Variants in ICA1L observed in about 807,000 individuals in gnomAD.
The protein encoded by ICA1L is islet cell autoantigen 1 like, also known as islet cell autoantigen 1-like protein.
A neutral mutation model predicts 61.3 loss-of-function variants in ICA1L; 50 were observed. The ratio of observed to expected loss-of-function variants is 0.82; its 90% CI spans 0.65 to 1.03. ICA1L has a LOEUF of 1.03. Among genes scored for constraint, ICA1L ranks in the 50% least tolerant of loss-of-function variants. ICA1L has a pLI of 0.00. For missense variants in ICA1L, 508 were observed against 556.7 expected, an observed-to-expected ratio of 0.91 and a Z score of 0.88; for synonymous variants, 161 against 191.3, an observed-to-expected ratio of 0.84 and a Z score of 1.31.
chr2:202,778,690 G>T lies in ICA1L; in HGVS notation c.*843C>A, dbSNP rs1020191926. Reference sequence around the variant, plus strand: ...TATTCTCCCCTCATTTTATTTTCAGGAATAATATAAATACTGCATACTACT... The same window carrying T: ...TATTCTCCCCTCATTTTATTTTCAGTAATAATATAAATACTGCATACTACT... On this transcript the variant is annotated 3_prime_UTR_variant, in exon 13 of 13. Coordinates refer to ENST00000358299, the MANE Select transcript of ICA1L (RefSeq NM_001288622.3). 5 of 152,466 alleles carry T rather than the reference G, an allele frequency of 3.3e-5. No homozygotes were observed. Among genetic ancestry groups the T allele is most frequent in the African/African-American group, 1.2e-4 (5 of 41,400 alleles). The allele number at this position is 152,466 out of a possible 1,614,324, so 9.4% of individuals were successfully genotyped here. A position where few individuals can be genotyped will look rare whatever the true frequency, so the allele number is the denominator to read the frequency against.
chr2:202,808,346 T>C (rs1241613042), intron 9 of ICA1L, among the ~76,000 whole-genome samples: 2 of 151,920 alleles, frequency 1.3e-5, no homozygotes, highest in Non-Finnish European at 2.9e-5. Context: ...CAGTACCTGC[T>C]GCAGGGAGAG....
At chr2:202,784,190 A>C (rs1692503787) in intron 12 of ICA1L, among the ~76,000 whole-genome samples, 1 of 152,134 alleles carries the variant, frequency 6.6e-6, no homozygotes. Context: ...AGTGACCCAC[A>C]CCTGTAACCC....
intron 1 of ICA1L, among the ~76,000 whole-genome samples, chr2:202,851,279 G>A (rs1222430171): frequency 6.7e-6 from 1 of 150,224 alleles, no homozygotes; most frequent in Non-Finnish European, 1.5e-5. Flanking sequence ...TTTTGTCCTT[G>A]CGATAGTTTG....
At chr2:202,843,320 G>A (rs1348330254) in intron 1 of ICA1L, among the ~76,000 whole-genome samples, 1 of 152,156 alleles carries the variant, frequency 6.6e-6, no homozygotes, top group Non-Finnish European at 1.5e-5. Flanking sequence ...TCTGGCACTA[G>A]TCAGGGTGCC....
intron 1 of ICA1L, among the ~76,000 whole-genome samples, chr2:202,860,902 T>C (rs1258574436): frequency 2.6e-5 from 4 of 152,080 alleles, no homozygotes; most frequent in Non-Finnish European, 4.4e-5. Flanking sequence ...AGGGATAAGA[T>C]GGACATTTAA....
chr2:202,809,728 G>T (rs913230956), intron 9 of ICA1L, among the ~76,000 whole-genome samples: 3 of 152,002 alleles, frequency 2.0e-5, no homozygotes, highest in Non-Finnish European at 4.4e-5. Flanking sequence ...GGCAGAGGTT[G>T]CAGTGTGCCA....
chr2:202,788,994 C>G lies in ICA1L; in HGVS notation c.1079G>C (p.Ser360Thr), dbSNP rs1331284168. Residue 360 changes from serine (S) to threonine (T), a missense_variant, in exon 11 of 13, where the codon AGT becomes ACT. Coordinates refer to ENST00000358299, the MANE Select transcript of ICA1L (RefSeq NM_001288622.3). ...LNNLLSSGSS[S>T]TSEFTQECQT... is the part of the protein sequence containing the mutation. ...GCATTCTTGGGTAAATTCACTAGTACTTGAAGAACCAGAACTTAGGAGGTT... is the reference window on the plus strand; with the variant it reads ...GCATTCTTGGGTAAATTCACTAGTAGTTGAAGAACCAGAACTTAGGAGGTT... 15 of 1,613,802 alleles carry G rather than the reference C, an allele frequency of 9.3e-6. No individual in the cohort carries two copies. The highest frequency in any genetic ancestry group is 1.1e-5 in the Non-Finnish European group (13 of 1,179,932).
rs866240958 is a variant in ICA1L at position 202,806,529 on chromosome 2, C to G, written c.910+5217G>C. 2.6e-5 allele frequency among the ~76,000 whole-genome samples: 4 copies of G among 151,736 alleles called. No individual in the cohort carries two copies. The Middle Eastern group carries it at 0.01, about 387-fold the overall frequency. Reference sequence around the variant, plus strand: ...GGTGAGGTAGCACACACCTATAGTCCCAGCTACTCGGGAGGCTGAGGTGGG... The same window carrying G: ...GGTGAGGTAGCACACACCTATAGTCGCAGCTACTCGGGAGGCTGAGGTGGG... On this transcript the variant is annotated intron_variant, in intron 9 of 12. Coordinates refer to ENST00000358299, the MANE Select transcript of ICA1L (RefSeq NM_001288622.3).
At chr2:202,858,377 A>C (rs1426501865) in intron 1 of ICA1L, among the ~76,000 whole-genome samples, 1 of 152,232 alleles carries the variant, frequency 6.6e-6, no homozygotes, top group Non-Finnish European at 1.5e-5. Flanking sequence ...AAGAACAGAA[A>C]ACCAAACACT....
chr2:202,811,112 C>T (rs1693364949), intron 9 of ICA1L, among the ~76,000 whole-genome samples: 2 of 152,144 alleles, frequency 1.3e-5, no homozygotes, highest in African/African-American at 4.8e-5. Context: ...TTTGTACACT[C>T]CCTCCCCTTT....
intron 8 of ICA1L, 119 bp downstream of exon 8, chr2:202,814,583 T>C (rs72932767): frequency 0.1 from 71,137 of 687,412 alleles, 4,357 homozygotes; most frequent in Non-Finnish European, 0.13. Flanking sequence ...TTAGTGTTGA[T>C]TGGAAAAATG....
At chr2:202,819,548 AC>A (rs1693637302) in intron 5 of ICA1L, 152 bp downstream of exon 5, 1 of 627,408 alleles carries the variant, frequency 1.6e-6, no homozygotes, top group Non-Finnish European at 2.8e-6. Flanking sequence ...AGTGTGACAA[AC>A]TTTTGTACTT....
rs1693396671 is a variant in ICA1L, at chr2:202,812,173, AT to A, written c.867-385del. Among the ~76,000 whole-genome samples, 3 of 152,356 alleles carry A rather than the reference AT, an allele frequency of 2.0e-5. No homozygotes were observed. The South Asian group carries it at 6.2e-4, about 32-fold the overall frequency. On this transcript the variant is annotated intron_variant, in intron 8 of 12. Transcript: ENST00000358299. Reference sequence around the variant, plus strand: ...AACTCCAGAAAAGATGGAGTACCCTATTTTGAACAATGAAGTGATGTTTGCA... The same window carrying A: ...AACTCCAGAAAAGATGGAGTACCCTATTTGAACAATGAAGTGATGTTTGCA...
chr2:202,815,085 C>G (rs906849192), intron 7 of ICA1L, among the ~76,000 whole-genome samples: 3 of 152,190 alleles, frequency 2.0e-5, no homozygotes, highest in African/African-American at 7.2e-5. Context: ...GTCTGTATCA[C>G]AATGCTCTAA....
chr2:202,831,459 C>T (rs1169124645), intron 1 of ICA1L, among the ~76,000 whole-genome samples: 3 of 152,196 alleles, frequency 2.0e-5, no homozygotes. Flanking sequence ...TAATTATCAG[C>T]AGTCCAACTA....
At chr2:202,867,504 G>A (rs187591852) in intron 1 of ICA1L, among the ~76,000 whole-genome samples, 33 of 152,190 alleles carry the variant, frequency 2.2e-4, no homozygotes, top group African/African-American at 7.5e-4. Context: ...CCACTGAAAC[G>A]GTACAATAAA....
intron 7 of ICA1L, among the ~76,000 whole-genome samples, chr2:202,815,339 G>C (rs991119981): frequency 2.0e-5 from 3 of 152,130 alleles, no homozygotes; most frequent in Non-Finnish European, 4.4e-5. Context: ...CATCCAGCTT[G>C]AACAAACCAG....
chr2:202,833,690 T>C (rs1694072049), intron 1 of ICA1L, among the ~76,000 whole-genome samples: 1 of 152,238 alleles, frequency 6.6e-6, no homozygotes, highest in African/African-American at 2.4e-5. Context: ...CTTTCAGAAA[T>C]GCTAACATTA....
chr2:202,793,495 A>G (rs372256478), intron 10 of ICA1L, among the ~76,000 whole-genome samples: 1 of 12,164 alleles, frequency 8.2e-5, no homozygotes, highest in African/African-American at 2.5e-4. Context: ...CGTCTCTACT[A>G]AAAAAAAAAA....
Sources: gnomAD v4.1 joint callset for allele counts (sites outside exome capture counted in the v4.1 genomes callset) on GRCh38, gnomAD v4.1.1 for gene constraint, MANE v1.5 for transcripts, NCBI Gene and HGNC (gene_info 2026-07-23, HGNC 2026-07-21) for gene names.